SLC11A2: variants seen among roughly 807,000 people sequenced by gnomAD.
SLC11A2 encodes natural resistance-associated macrophage protein 2.
In SLC11A2, 38 loss-of-function variants were observed where a neutral mutation model predicts 68.0. The ratio of observed to expected loss-of-function variants is 0.56; its 90% CI spans 0.43 to 0.73. The LOEUF (loss-of-function observed/expected upper bound fraction) is 0.73, where lower values mean the gene tolerates loss of function less well. SLC11A2 is among the 30% of genes least tolerant of loss of function. The pLI, the probability that SLC11A2 is intolerant of heterozygous loss-of-function variation, is 0.00. For missense variants in SLC11A2, 517 were observed against 690.5 expected (o/e 0.75, Z 2.82); for synonymous variants, 242 against 250.6 (o/e 0.97, Z 0.32).
chr12:50,973,437 GT>G, the SLC11A2 span, among the ~76,000 whole-genome samples: 1 of 152,284 alleles, frequency 6.6e-6, no homozygotes, highest in Non-Finnish European at 1.5e-5. Flanking sequence ...GGTCCTGACT[GT>G]TAGAAGGAAA....
At position 50,992,811 on chromosome 12, in the gene SLC11A2, T is replaced by A. The variant is rs1346761921; in HGVS notation, c.1196A>T (p.Glu399Val). The A allele has an allele frequency of 6.2e-7, 1 of 1,607,978 alleles. No homozygotes were observed. Among genetic ancestry groups the A allele is most frequent in the Non-Finnish European group, 8.5e-7 (1 of 1,176,618 alleles). Reference sequence around the variant, plus strand: ...CCTCTATCCTATACCAGCACGTACCTCCATGACAAACTGGCCAGAATAGGT... The same window carrying A: ...CCTCTATCCTATACCAGCACGTACCACCATGACAAACTGGCCAGAATAGGT... ...TGTYSGQFVM[E>V]GFLNLKWSRF... is the part of the protein sequence containing the mutation. The change falls in exon 12 of 16, where the codon GAG becomes GTG. Residue 399 changes from glutamate to valine, a missense_variant and splice_region_variant. Transcript: ENST00000262052.
upstream of SLC11A2, among the ~76,000 whole-genome samples, chr12:51,026,712 C>G (rs558401615): frequency 4.3e-4 from 65 of 152,262 alleles, no homozygotes; most frequent in African/African-American, 1.5e-3. Context: ...GACAATCAAG[C>G]TACGAGGTAT....
intron 3 of SLC11A2, chr12:51,005,728 A>G: frequency 7.8e-7 from 1 of 1,289,094 alleles, no homozygotes; most frequent in Non-Finnish European, 1.0e-6. Context: ...CACTTCCCAA[A>G]AAGGACAAGA....
At chr12:50,991,712 C>T in intron 13 of SLC11A2, 40 bp from the exon 14 acceptor site, 1 of 1,457,710 alleles carries the variant, frequency 6.9e-7, no homozygotes, top group African/African-American at 1.4e-5. Context: ...ACTATGGGTC[C>T]TTGTATCACC....
At chr12:51,001,558 T>C (rs1344281316) in intron 5 of SLC11A2, among the ~76,000 whole-genome samples, 1 of 148,658 alleles carries the variant, frequency 6.7e-6, no homozygotes. Flanking sequence ...TCTTTATTCC[T>C]TTACGTTCTT....
the SLC11A2 span, among the ~76,000 whole-genome samples, chr12:50,956,319 G>C: frequency 6.6e-6 from 1 of 152,188 alleles, no homozygotes; most frequent in Admixed American, 6.5e-5. Flanking sequence ...TTGAACTCAG[G>C]AAGTGGAGGT....
At position 51,012,360 on chromosome 12, in the gene SLC11A2, T is replaced by C. The variant is rs577456678; in HGVS notation, c.-38-1594A>G. 5.3e-3 allele frequency among the ~76,000 whole-genome samples: 790 copies of C among 149,080 alleles called. 9 individuals are homozygous for C. The highest frequency in any genetic ancestry group is 9.4e-3 in the Non-Finnish European group (629 of 67,160). ...ACCAATAAGGCTATTAAAAAAAAAA[T>C]GTTTCAATCTTCTTATCTACTTCTC... On this transcript the variant is annotated intron_variant, in intron 1 of 15. Transcript: ENST00000262052.
downstream of SLC11A2, chr12:50,979,794 A>T (rs549247100): frequency 8.7e-5 from 39 of 447,524 alleles, no homozygotes; most frequent in Non-Finnish European, 1.4e-4. Context: ...TGGATTTTTT[A>T]AAAAGTTTTA....
At chr12:50,959,609 AT>A in the SLC11A2 span, among the ~76,000 whole-genome samples, 1 of 152,062 alleles carries the variant, frequency 6.6e-6, no homozygotes, top group African/African-American at 2.4e-5. Flanking sequence ...TTATTAAATT[AT>A]TCCAGTATCT....
At chr12:50,999,795 G>A (rs969181209) in intron 6 of SLC11A2, among the ~76,000 whole-genome samples, 5 of 151,680 alleles carry the variant, frequency 3.3e-5, no homozygotes, top group African/African-American at 9.7e-5. Context: ...TAGACCTGAG[G>A]TCAGGAGTTA....
intron 3 of SLC11A2, 26 bp from the exon 4 acceptor site, chr12:51,005,462 A>C (rs1380569896): frequency 1.9e-6 from 3 of 1,611,908 alleles, no homozygotes; most frequent in Admixed American, 3.3e-5. Flanking sequence ...AAAGAGATTA[A>C]ACTGAACATC....
At chr12:50,966,279 T>C in the SLC11A2 span, among the ~76,000 whole-genome samples, 3 of 152,166 alleles carry the variant, frequency 2.0e-5, no homozygotes, top group Non-Finnish European at 4.4e-5. Flanking sequence ...CCCTGACAAA[T>C]GTCTTTCTCA....
At chr12:50,993,072 C>T (rs675848) in intron 11 of SLC11A2, 143 bp from the exon 12 acceptor site, 1 of 972,716 alleles carries the variant, frequency 1.0e-6, no homozygotes, top group East Asian at 2.6e-5. Context: ...GTGCCAGAAG[C>T]TAGGCTCAAG....
the SLC11A2 span, among the ~76,000 whole-genome samples, chr12:50,955,927 T>TA: frequency 6.6e-6 from 1 of 152,196 alleles, no homozygotes; most frequent in East Asian, 1.9e-4. Context: ...AGTGGAAAGA[T>TA]AAAAGTGTTT....
the SLC11A2 span, among the ~76,000 whole-genome samples, chr12:50,952,611 G>A: frequency 1.5e-4 from 23 of 152,304 alleles, no homozygotes; most frequent in African/African-American, 5.5e-4. Context: ...CTCACACACA[G>A]GCGCAGGGAC....
At position 51,025,908 on chromosome 12, in the gene SLC11A2, G is replaced by C. The variant is rs573981014; in HGVS notation, c.-39+402C>G. The C allele has an allele frequency of 2.9e-5, 29 of 988,000 alleles. No individual in the cohort carries two copies. In the Admixed American group the frequency reaches 1.8e-3, roughly 61 times the overall value. 61.2% of individuals were successfully genotyped at this position (988,000 alleles called of 1,614,324 possible). ...CAGCCCGGCCCCCTGCGGCGCCGAC[G>C]AAGAGGCCACGAAAGACCTTGCCCT... On this transcript the variant is annotated intron_variant, in intron 1 of 15. Transcript: ENST00000262052.
In SLC11A2 at chr12:50,994,622, G is replaced by C. The variant is rs1205067350; in HGVS notation, c.999C>G (p.Val333=). The change falls in exon 11 of 16, where the codon GTC becomes GTG. Residue 333 remains valine, a synonymous_variant. Transcript: ENST00000262052. The stretch of plus-strand genomic sequence containing the variant: ...CATGAGGACTGCTGGTATTTGTACA[G>C]ACTTCAACCTAGAACCCAAAGCAAT... ...FGKTNEQVVE[V]CTNTSSPHAG... The C allele has an allele frequency of 6.2e-7, 1 of 1,609,388 alleles. No individual in the cohort carries two copies. The highest frequency in any genetic ancestry group is 1.7e-5 in the Admixed American group (1 of 60,014).
chr12:51,004,303 C>T (rs1232324677), intron 5 of SLC11A2, among the ~76,000 whole-genome samples: 1 of 151,948 alleles, frequency 6.6e-6, no homozygotes, highest in Non-Finnish European at 1.5e-5. Flanking sequence ...AGTGTAGCCC[C>T]CGGTGGGAGG....
At chr12:50,981,743 A>T, downstream of SLC11A2, 1 of 1,535,784 alleles carries the variant, frequency 6.5e-7, no homozygotes, top group Non-Finnish European at 8.7e-7. Context: ...GACACAAGTG[A>T]GTCAGCGTCC....
Sources: allele counts gnomAD v4.1 joint callset (sites outside exome capture counted in the v4.1 genomes callset), GRCh38; gene constraint gnomAD v4.1.1; transcripts MANE v1.5; gene names NCBI Gene and HGNC (gene_info 2026-07-23, HGNC 2026-07-21).